Variants in PRPSAP1 observed in about 807,000 individuals in gnomAD.
PRPSAP1 encodes the protein phosphoribosyl pyrophosphate synthetase associated protein 1.
Under a neutral mutation model 39.4 loss-of-function variants are expected in PRPSAP1, and 31 were observed. That is an observed-to-expected ratio of 0.79 (90% CI 0.59 to 1.06). The LOEUF (loss-of-function observed/expected upper bound fraction) is 1.06. Among genes scored for constraint, PRPSAP1 ranks in the 50% least tolerant of loss-of-function variants. The pLI is 0.00. For synonymous variants in PRPSAP1, 212 were observed against 192.6 expected (o/e 1.10, Z -0.83); for missense variants, 430 against 511.6 (o/e 0.84, Z 1.54).
intron 3 of PRPSAP1, among the ~76,000 whole-genome samples, chr17:76,341,934 G>C (rs377494828): frequency 6.6e-6 from 1 of 152,132 alleles, no homozygotes; most frequent in African/African-American, 2.4e-5. Context: ...GTGAGACTCC[G>C]TCTAAAAATA....
intron 5 of PRPSAP1, 177 bp from the exon 6 acceptor site, chr17:76,330,275 C>T (rs922058490): frequency 6.6e-6 from 4 of 602,350 alleles, no homozygotes; most frequent in African/African-American, 5.6e-5. Flanking sequence ...GGAAAAAGCA[C>T]TCCTACGTCA....
chr17:76,339,662 C>T (rs965633894), intron 3 of PRPSAP1, among the ~76,000 whole-genome samples: 1 of 151,648 alleles, frequency 6.6e-6, no homozygotes, highest in South Asian at 2.1e-4. Context: ...ACTTCACCAT[C>T]TTCAGGAGAG....
At chr17:76,352,462 G>A (rs1458634653) in intron 1 of PRPSAP1, among the ~76,000 whole-genome samples, 4 of 151,802 alleles carry the variant, frequency 2.6e-5, no homozygotes, top group South Asian at 2.1e-4. Flanking sequence ...TGGCTAACAC[G>A]GTGAAACCCA....
chr17:76,313,444 A>G, intron 8 of PRPSAP1: 1 of 256,386 alleles, frequency 3.9e-6, no homozygotes, highest in Non-Finnish European at 7.5e-6. Flanking sequence ...GTATGTCAAC[A>G]TGCAGAACGA....
chr17:76,334,627 AAAAAAC>A (rs147277378), intron 3 of PRPSAP1, among the ~76,000 whole-genome samples: 44,110 of 151,216 alleles, frequency 0.29, 7,300 homozygotes, highest in African/African-American at 0.45. Context: ...CTATGATTAA[AAAAAAC>A]AAAAACAAAA....
chr17:76,337,956 T>G (rs2071396657), intron 3 of PRPSAP1, among the ~76,000 whole-genome samples: 1 of 152,122 alleles, frequency 6.6e-6, no homozygotes, highest in Non-Finnish European at 1.5e-5. Flanking sequence ...CACTAGAACT[T>G]GTACATAAAC....
intron 3 of PRPSAP1, among the ~76,000 whole-genome samples, chr17:76,333,581 G>A (rs147346065): frequency 0.011 from 1,746 of 152,024 alleles, 35 homozygotes; most frequent in African/African-American, 0.039. Flanking sequence ...GGAGGCAGAG[G>A]TTGCAGTGAG....
intron 7 of PRPSAP1, among the ~76,000 whole-genome samples, chr17:76,319,090 C>T (rs1359206259): frequency 6.6e-6 from 1 of 152,066 alleles, no homozygotes; most frequent in African/African-American, 2.4e-5. Flanking sequence ...CAGATGTGTG[C>T]CACCAGGCCT....
At chr17:76,312,746 T>G in intron 9 of PRPSAP1, 124 bp downstream of exon 9, 1 of 1,299,100 alleles carries the variant, frequency 7.7e-7, no homozygotes, top group South Asian at 1.5e-5. Flanking sequence ...CCCAACGAAC[T>G]GCTAGCCAGC....
intron 3 of PRPSAP1, among the ~76,000 whole-genome samples, chr17:76,338,094 T>C (rs975185590): frequency 1.2e-4 from 19 of 152,174 alleles, no homozygotes; most frequent in African/African-American, 4.6e-4. Context: ...TTGTTCTGAA[T>C]GGCTTTTTGC....
intron 3 of PRPSAP1, among the ~76,000 whole-genome samples, chr17:76,333,613 C>T (rs916359512): frequency 6.6e-6 from 1 of 151,852 alleles, no homozygotes; most frequent in Non-Finnish European, 1.5e-5. Context: ...CCACTGCACT[C>T]CAGCCTGGGC....
chr17:76,353,784 G>T lies in PRPSAP1; in HGVS notation c.-81C>A. 1 of 1,393,584 alleles carries T rather than the reference G, an allele frequency of 7.2e-7. No individual in the cohort carries two copies. The allele number at this position is 1,393,584 out of a possible 1,614,324, so 86.3% of individuals were successfully genotyped here. On this transcript the variant is annotated 5_prime_UTR_variant, in exon 1 of 10. Coordinates refer to ENST00000446526, the MANE Select transcript of PRPSAP1 (RefSeq NM_002766.3). ...CTTCCGACTGCGAGACCCCGGTTTGGGTGGGGAAGGCGCTGAGAAACTCGG... is the reference window on the plus strand; with the variant it reads ...CTTCCGACTGCGAGACCCCGGTTTGTGTGGGGAAGGCGCTGAGAAACTCGG...
rs542095209 is a variant in PRPSAP1 at position 76,341,240 on chromosome 17, T to G, written c.290+3431A>C. Reference sequence around the variant, plus strand: ...AACAATTTGACTTTTTTTTGTTTTTTTTTTTTTTTTTTTTTGAGATAAGAT... The same window carrying G: ...AACAATTTGACTTTTTTTTGTTTTTGTTTTTTTTTTTTTTTGAGATAAGAT... On this transcript the variant is annotated intron_variant, in intron 3 of 9. Transcript: ENST00000446526. Among the ~76,000 whole-genome samples, 96 of 146,108 alleles carry G rather than the reference T, an allele frequency of 6.6e-4. 1 individual carries two copies. The East Asian group carries it at 0.016, about 24-fold the overall frequency.
chr17:76,352,545 TG>T (rs1458943830), intron 1 of PRPSAP1, among the ~76,000 whole-genome samples: 1 of 140,276 alleles, frequency 7.1e-6, no homozygotes, highest in Non-Finnish European at 1.5e-5. Context: ...CTTGGGAGGC[TG>T]GGGCAGGACA....
intron 8 of PRPSAP1, chr17:76,313,536 A>G: frequency 2.5e-6 from 1 of 399,320 alleles, no homozygotes; most frequent in Non-Finnish European, 4.5e-6. Context: ...ACGCTCAAGC[A>G]TGATTAGGTG....
In PRPSAP1 at chr17:76,309,875, C is replaced by T. The variant is rs1242612937; in HGVS notation, c.*1667G>A. On this transcript the variant is annotated 3_prime_UTR_variant, in exon 10 of 10. Transcript: ENST00000446526. ...CTGTTCAAGTTCAGATTTTTCACTTCAGCCTGAGAGGTACTGTTTATTTAA... is the reference window on the plus strand; with the variant it reads ...CTGTTCAAGTTCAGATTTTTCACTTTAGCCTGAGAGGTACTGTTTATTTAA... The T allele has an allele frequency of 2.0e-5, 3 of 152,202 alleles. No homozygotes were observed. 9.4% of individuals were successfully genotyped at this position (152,202 alleles called of 1,614,324 possible).
intron 8 of PRPSAP1, chr17:76,313,514 C>G (rs1201444617): frequency 2.8e-6 from 1 of 353,490 alleles, no homozygotes; most frequent in Non-Finnish European, 5.2e-6. Context: ...TTCAGTTCAT[C>G]TTTCGGCCCT....
chr17:76,320,739 T>C (rs897271093), intron 7 of PRPSAP1, among the ~76,000 whole-genome samples: 7 of 151,706 alleles, frequency 4.6e-5, no homozygotes, highest in Non-Finnish European at 1.0e-4. Context: ...AGATTGAAGT[T>C]TGTGGCAACC....
intron 3 of PRPSAP1, among the ~76,000 whole-genome samples, chr17:76,340,583 T>C (rs2071424869): frequency 6.6e-6 from 1 of 151,718 alleles, no homozygotes; most frequent in Non-Finnish European, 1.5e-5. Flanking sequence ...GTTTCTATGC[T>C]CGACTAGTTT....
Sources: allele counts gnomAD v4.1 joint callset (sites outside exome capture counted in the v4.1 genomes callset), GRCh38; gene constraint gnomAD v4.1.1; transcripts MANE v1.5; gene names NCBI Gene and HGNC (gene_info 2026-07-23, HGNC 2026-07-21).